LIFR: variants seen among roughly 807,000 people sequenced by gnomAD.
The protein encoded by LIFR is LIF receptor subunit alpha, also known as leukemia inhibitory factor receptor.
Under a neutral mutation model 122.2 loss-of-function variants are expected in LIFR, and 84 were observed. The ratio of observed to expected loss-of-function variants is 0.69; its 90% CI spans 0.58 to 0.82. LIFR has a LOEUF of 0.82. LIFR is among the 40% of genes least tolerant of loss of function. The pLI, the probability that LIFR is intolerant of heterozygous loss-of-function variation, is 0.00. For missense variants in LIFR, 1,294 were observed against 1,311.6 expected (o/e 0.99, Z 0.21); for synonymous variants, 422 against 434.7 (o/e 0.97, Z 0.36).
chr5:38,542,364 C>T (rs1406516950), intron 1 of LIFR, among the ~76,000 whole-genome samples: 3 of 152,132 alleles, frequency 2.0e-5, no homozygotes, highest in South Asian at 2.1e-4. Context: ...TGATAGAAGA[C>T]GGTAGAGGCA....
intron 2 of LIFR, among the ~76,000 whole-genome samples, chr5:38,604,594 G>C (rs181236219): frequency 5.3e-5 from 8 of 152,002 alleles, no homozygotes; most frequent in Admixed American, 2.0e-4. Flanking sequence ...TCAGCTACCC[G>C]GGAGGCTGAA....
rs34077685 is a variant in LIFR, at chr5:38,526,415, CTGTGTGTG to C, written c.397+732_397+739del. Among the ~76,000 whole-genome samples the C allele has an allele frequency of 2.8e-3, 408 of 148,110 alleles. 2 individuals are homozygous for C. The highest frequency in any genetic ancestry group is 4.7e-3 in the African/African-American group (192 of 40,538). The stretch of plus-strand genomic sequence containing the variant: ...TTACACATGGTAAGTACAAACTTTA[CTGTGTGTG>C]TGTGTGTGTGTGTGTGTGTATATAT... On this transcript the variant is annotated intron_variant, in intron 4 of 19. Transcript: ENST00000453190.
intron 1 of LIFR, among the ~76,000 whole-genome samples, chr5:38,586,356 G>T (rs1007943145): frequency 1.3e-5 from 2 of 152,040 alleles, no homozygotes; most frequent in African/African-American, 4.8e-5. Context: ...GGAAATAAAA[G>T]AAGTCTCACA....
chr5:38,580,949 A>G (rs1749561541), intron 1 of LIFR, among the ~76,000 whole-genome samples: 1 of 152,078 alleles, frequency 6.6e-6, no homozygotes, highest in Non-Finnish European at 1.5e-5. Flanking sequence ...TGGCACCCAG[A>G]CTGCTTGGGA....
chr5:38,493,683 T>C lies in LIFR; in HGVS notation c.1988A>G (p.Asn663Ser), dbSNP rs1164974513. The change falls in exon 14 of 20, where the codon AAC (asparagine) becomes AGC (serine). Residue 663 changes from asparagine to serine, a missense_variant. Transcript: ENST00000453190. ...AAGGCATGGTTCCGACCGAGACGAG[T>C]TACACCACTTAATGACGTAGTCGCA... ...MTCDYVIKWC[N>S]SSRSEPCLMD... The C allele has an allele frequency of 1.9e-6, 3 of 1,614,028 alleles. No homozygotes were observed. Among genetic ancestry groups the C allele is most frequent in the Non-Finnish European group, 2.5e-6 (3 of 1,179,976 alleles).
chr5:38,549,603 T>C (rs1019988450), intron 1 of LIFR, among the ~76,000 whole-genome samples: 7 of 152,090 alleles, frequency 4.6e-5, no homozygotes, highest in Non-Finnish European at 8.8e-5. Context: ...CCATCCTGGC[T>C]AACACGGTGA....
At chr5:38,587,472 G>A (rs1009565727) in intron 1 of LIFR, among the ~76,000 whole-genome samples, 47 of 137,598 alleles carry the variant, frequency 3.4e-4, no homozygotes, top group Admixed American at 2.9e-3. Context: ...TAGCACTTCC[G>A]AAGGACTGAA....
chr5:38,482,991 C>T (rs2112360745), intron 18 of LIFR, among the ~76,000 whole-genome samples: 1 of 152,292 alleles, frequency 6.6e-6, no homozygotes, highest in African/African-American at 2.4e-5. Flanking sequence ...GCTGTGATCC[C>T]ATGGCACTGC....
chr5:38,518,162 T>C (rs934955306), intron 5 of LIFR, among the ~76,000 whole-genome samples: 67 of 152,022 alleles, frequency 4.4e-4, no homozygotes, highest in African/African-American at 1.5e-3. Context: ...GGATTTGACC[T>C]GGGTCTTGAA....
chr5:38,580,606 C>T (rs1250634146), intron 1 of LIFR, among the ~76,000 whole-genome samples: 6 of 152,142 alleles, frequency 3.9e-5, no homozygotes, highest in African/African-American at 4.8e-5. Context: ...GCTTCGGTCC[C>T]GTATTCTAAC....
chr5:38,518,153 G>C (rs993493878), intron 5 of LIFR, among the ~76,000 whole-genome samples: 7 of 151,724 alleles, frequency 4.6e-5, no homozygotes, highest in African/African-American at 1.7e-4. Flanking sequence ...TAAGGAGTAG[G>C]ATTTGACCTG....
At chr5:38,485,510 C>G in intron 17 of LIFR, 1 of 394,840 alleles carries the variant, frequency 2.5e-6, no homozygotes. Context: ...CACATAACAG[C>G]TGGAGCAAAA....
intron 1 of LIFR, among the ~76,000 whole-genome samples, chr5:38,553,622 CTATATATATATATA>C (rs66547796): frequency 0.015 from 618 of 41,596 alleles, 5 homozygotes; most frequent in Admixed American, 0.019. Flanking sequence ...ACCATTTAAA[CTATATATATATATA>C]TATATATATA....
chr5:38,594,848 G>A, intron 1 of LIFR: 1 of 196,468 alleles, frequency 5.1e-6, no homozygotes, highest in East Asian at 7.9e-5. Flanking sequence ...GGTTTCCACA[G>A]AGCAGCTTCA....
chr5:38,574,043 G>A (rs1251508966), intron 1 of LIFR, among the ~76,000 whole-genome samples: 2 of 152,178 alleles, frequency 1.3e-5, no homozygotes, highest in East Asian at 3.9e-4. Flanking sequence ...TTGAACCTGG[G>A]AGGCAGAGGT....
chr5:38,554,770 G>A (rs79834144), intron 1 of LIFR, among the ~76,000 whole-genome samples: 126 of 152,268 alleles, frequency 8.3e-4, no homozygotes, highest in African/African-American at 2.9e-3. Context: ...GGTATACTCC[G>A]TATCTTTTAT....
rs1305758654 is a variant in LIFR at position 38,506,045 on chromosome 5, C to T, written c.1151G>A (p.Arg384Lys). 1.9e-6 allele frequency: 3 copies of T among 1,599,768 alleles called. No homozygotes were observed. Among genetic ancestry groups the T allele is most frequent in the Non-Finnish European group, 8.5e-7 (1 of 1,171,212 alleles). Residue 384 changes from arginine (R) to lysine (K), a missense_variant, in exon 9 of 20, where the codon AGA (arginine) becomes AAA (lysine). Arg to Lys is a conservative substitution (Grantham distance 26). Transcript: ENST00000453190. ...SFSGKYVRLK[R>K]AEAPTNESYQ... is the part of the protein sequence containing the mutation. ...GCTTTCGTTTGTAGGTGCTTCAGCT[C>T]TTTTAAGTCTAACATATTTTCCTGA... is the stretch of plus-strand genomic sequence containing the variant.
intron 1 of LIFR, among the ~76,000 whole-genome samples, chr5:38,540,811 T>C (rs999161102): frequency 3.3e-5 from 5 of 151,952 alleles, no homozygotes; most frequent in Admixed American, 2.6e-4. Context: ...CCAAACAAAA[T>C]ACATTTGCAA....
rs1005428673 is a variant in LIFR, at chr5:38,480,288, C to T, written c.*1307G>A. Reference sequence around the variant, plus strand: ...TTTCCTTCTGCTTTTCCAAGAACCACAATCACTCCAGACATCGCTTATGAG... The same window carrying T: ...TTTCCTTCTGCTTTTCCAAGAACCATAATCACTCCAGACATCGCTTATGAG... On this transcript the variant is annotated 3_prime_UTR_variant, in exon 20 of 20. Transcript: ENST00000453190. 4.4e-6 allele frequency: 1 copy of T among 227,512 alleles called. No homozygotes were observed. Among genetic ancestry groups the T allele is most frequent in the African/African-American group, 2.2e-5 (1 of 44,988 alleles). 14.1% of individuals were successfully genotyped at this position (227,512 alleles called of 1,614,324 possible).
Sources: gnomAD v4.1 joint callset for allele counts (sites outside exome capture counted in the v4.1 genomes callset) on GRCh38, gnomAD v4.1.1 for gene constraint, MANE v1.5 for transcripts, NCBI Gene and HGNC (gene_info 2026-07-23, HGNC 2026-07-21) for gene names.